EML6: variants seen among roughly 807,000 people sequenced by gnomAD.
The protein encoded by EML6 is EMAP like 6.
Under a neutral mutation model 240.1 loss-of-function variants are expected in EML6, and 154 were observed. The ratio of observed to expected loss-of-function variants is 0.64; its 90% CI spans 0.56 to 0.73. EML6 has a LOEUF of 0.73. EML6 is among the 30% of genes least tolerant of loss of function. The pLI is 0.00. For missense variants in EML6, 2,964 were observed against 2,474.6 expected (o/e 1.20, Z -4.20); for synonymous variants, 1,148 against 899.0 (o/e 1.28, Z -4.95).
intron 11 of EML6, 72 bp downstream of exon 11, chr2:54,853,927 C>G: frequency 1.1e-6 from 1 of 902,510 alleles, no homozygotes; most frequent in Non-Finnish European, 1.6e-6. Flanking sequence ...TAAGGCTGAT[C>G]TTCCTGCTGT....
At chr2:54,848,524 T>TACACACACACACAC (rs59587579) in intron 9 of EML6, among the ~76,000 whole-genome samples, 31,483 of 145,574 alleles carry the variant, frequency 0.22, 3,674 homozygotes, top group Non-Finnish European at 0.26. Context: ...GCTTCCACAC[T>TACACACACACACAC]ACACACACAC....
At chr2:54,868,188 A>G (rs1671071488) in intron 14 of EML6, 1 of 152,104 alleles carries the variant, frequency 6.6e-6, no homozygotes, top group Admixed American at 6.5e-5. Flanking sequence ...TTTTTCTAAT[A>G]TGGCAACAAA....
intron 17 of EML6, chr2:54,881,320 T>A (rs1408703562): frequency 1.3e-5 from 2 of 152,028 alleles, no homozygotes; most frequent in Non-Finnish European, 2.9e-5. Flanking sequence ...TAAATAAAGC[T>A]TATATGTATG....
chr2:54,767,833 A>T (rs1424556676), intron 2 of EML6, among the ~76,000 whole-genome samples: 5 of 151,928 alleles, frequency 3.3e-5, no homozygotes, highest in African/African-American at 4.8e-5. Flanking sequence ...TGTTGCCCAG[A>T]CTGGTCTCAA....
rs241662 is a variant in EML6, at chr2:54,725,899, C to T, written c.197+641C>T. ...CAGCTGCTGGATCACAAAATCCTAC[C>T]AGCCAGCCCACACAATGACCAACAT... On this transcript the variant is annotated intron_variant, in intron 2 of 41. Transcript: ENST00000356458. The surrounding 1 kb of genome is among the most constrained non-coding windows in gnomAD (Gnocchi z 4.3). Among the ~76,000 whole-genome samples, 47,897 of 152,100 alleles carry T rather than the reference C, an allele frequency of 0.31. 8,444 individuals are homozygous for T. The highest frequency in any genetic ancestry group is 0.4 in the Non-Finnish European group (27,024 of 67,988).
intron 36 of EML6, among the ~76,000 whole-genome samples, chr2:54,963,500 C>T (rs1676616672): frequency 6.6e-6 from 1 of 152,190 alleles, no homozygotes; most frequent in Non-Finnish European, 1.5e-5. Context: ...CCCAAACACA[C>T]CCAGCTAGTA....
intron 6 of EML6, among the ~76,000 whole-genome samples, chr2:54,829,068 A>G (rs887781611): frequency 6.6e-6 from 1 of 152,156 alleles, no homozygotes; most frequent in Non-Finnish European, 1.5e-5. Context: ...ATCTGCATTA[A>G]TTATATTTTT....
At chr2:54,861,710 G>A (rs1026113121) in intron 12 of EML6, among the ~76,000 whole-genome samples, 3 of 151,640 alleles carry the variant, frequency 2.0e-5, no homozygotes, top group Non-Finnish European at 4.4e-5. Flanking sequence ...TGGCCAGTCA[G>A]ATTGGTGAGA....
chr2:54,819,707 C>T (rs1241591926), intron 4 of EML6, among the ~76,000 whole-genome samples: 4 of 134,702 alleles, frequency 3.0e-5, no homozygotes, highest in African/African-American at 8.1e-5. Context: ...ACCTGGGAAG[C>T]GGAGTTGCAG....
chr2:54,843,807 C>A (rs1181450469), intron 7 of EML6, among the ~76,000 whole-genome samples: 1 of 142,344 alleles, frequency 7.0e-6, no homozygotes, highest in Non-Finnish European at 1.5e-5. Context: ...CGGGCCACTG[C>A]ACTCTATAGT....
intron 2 of EML6, among the ~76,000 whole-genome samples, chr2:54,797,869 A>G (rs1015845222): frequency 1.3e-5 from 2 of 152,174 alleles, no homozygotes; most frequent in Non-Finnish European, 2.9e-5. Context: ...TCCTTATGCC[A>G]ATAGCACATT....
At chr2:54,809,158 T>C (rs745683752) in intron 2 of EML6, among the ~76,000 whole-genome samples, 7 of 152,236 alleles carry the variant, frequency 4.6e-5, no homozygotes, top group Non-Finnish European at 8.8e-5. Flanking sequence ...TTTAATATTG[T>C]GACAGTGCTG....
chr2:54,941,833 C>T (rs926561625), intron 28 of EML6, among the ~76,000 whole-genome samples: 2 of 152,242 alleles, frequency 1.3e-5, no homozygotes, highest in African/African-American at 4.8e-5. Context: ...CTTCTTCATC[C>T]CACCCCTTCG....
intron 30 of EML6, 104 bp downstream of exon 30, chr2:54,950,883 G>C: frequency 8.1e-7 from 1 of 1,230,960 alleles, no homozygotes; most frequent in Non-Finnish European, 1.1e-6. Context: ...TTCCCTTATA[G>C]AGCCATTCCC....
chr2:54,850,246 T>A (rs767945849), intron 10 of EML6, 28 bp downstream of exon 10: 12 of 1,540,424 alleles, frequency 7.8e-6, no homozygotes, highest in Non-Finnish European at 7.9e-6. Context: ...CTTGGATGTT[T>A]CTGGAAAGCA....
chr2:54,930,953 CTT>C (rs34403438), intron 28 of EML6, among the ~76,000 whole-genome samples: 170 of 104,608 alleles, frequency 1.6e-3, no homozygotes, highest in African/African-American at 5.5e-3. Context: ...CCGTAGGCAT[CTT>C]TTTTTTTTTT....
intron 4 of EML6, among the ~76,000 whole-genome samples, chr2:54,819,865 A>C (rs1019037305): frequency 7.2e-5 from 11 of 152,124 alleles, no homozygotes; most frequent in Non-Finnish European, 1.2e-4. Context: ...GGTCAGATTA[A>C]AATGATAGCC....
rs143432618 is a variant in EML6, at chr2:54,857,326, G to A, written c.1658-2208G>A. Among the ~76,000 whole-genome samples, 350 of 152,236 alleles carry A rather than the reference G, an allele frequency of 2.3e-3. 2 individuals carry two copies. The highest frequency in any genetic ancestry group is 4.8e-3 in the East Asian group (25 of 5,172). On this transcript the variant is annotated intron_variant, in intron 11 of 41. Transcript: ENST00000356458. ...AGGAGGTTGATAGAGAAGACATGAG[G>A]GCTGAGGCCTGAGCCCTCCTGTGGT...
intron 17 of EML6, chr2:54,880,067 C>T (rs764022877): frequency 6.5e-5 from 10 of 155,010 alleles, no homozygotes; most frequent in Non-Finnish European, 1.3e-4. Flanking sequence ...GGAGGCCCCA[C>T]CGTGTGCATC....
Sources: gnomAD v4.1 joint callset for allele counts (sites outside exome capture counted in the v4.1 genomes callset) on GRCh38, gnomAD v4.1.1 for gene constraint, Gnocchi (gnomAD v3.1) non-coding constraint, MANE v1.5 for transcripts, NCBI Gene and HGNC (gene_info 2026-07-23, HGNC 2026-07-21) for gene names.